Variants in GRIP1 observed in about 807,000 individuals in gnomAD.
GRIP1 encodes the protein glutamate receptor interacting protein 1, also known as glutamate receptor-interacting protein 1.
A neutral mutation model predicts 129.9 loss-of-function variants in GRIP1; 45 were observed. The observed-to-expected ratio is 0.35, with a 90% CI of 0.27 to 0.44. The LOEUF (loss-of-function observed/expected upper bound fraction) is 0.44. Among genes scored for constraint, GRIP1 ranks in the 20% least tolerant of loss-of-function variants. The pLI, the probability that GRIP1 is intolerant of heterozygous loss-of-function variation, is 1.00. For synonymous variants in GRIP1, 530 were observed against 520.8 expected, an observed-to-expected ratio of 1.02 and a Z score of -0.24; for missense variants, 1,196 against 1,396.8, an observed-to-expected ratio of 0.86 and a Z score of 2.29.
At chr12:66,413,096 G>A (rs1357012438) in intron 15 of GRIP1, among the ~76,000 whole-genome samples, 4 of 152,032 alleles carry the variant, frequency 2.6e-5, no homozygotes, top group African/African-American at 9.7e-5. Context: ...ACTCAGCTCT[G>A]GATCAAGTGG....
intron 7 of GRIP1, among the ~76,000 whole-genome samples, chr12:66,496,914 A>G (rs1281480664): frequency 6.6e-6 from 1 of 150,978 alleles, no homozygotes; most frequent in African/African-American, 2.4e-5. Context: ...GGAACAAAAG[A>G]AAAAAGGAAG....
intron 1 of GRIP1, among the ~76,000 whole-genome samples, chr12:66,764,926 A>G (rs1440632207): frequency 2.6e-5 from 4 of 152,222 alleles, no homozygotes; most frequent in African/African-American, 9.7e-5. Context: ...TGTTTCAAAC[A>G]CTGTTCTAAG....
rs2047078 is a variant in GRIP1 at position 66,549,776 on chromosome 12, A to G, written c.137-7826T>C. The stretch of plus-strand genomic sequence containing the variant: ...AATTTGATCAGTGGCAGGGATGTAC[A>G]GCACATAAATATTACCTGGCACAAA... On this transcript the variant is annotated intron_variant, in intron 2 of 24. Coordinates refer to ENST00000359742, the MANE Select transcript of GRIP1 (RefSeq NM_001366722.1). Among the ~76,000 whole-genome samples the G allele has an allele frequency of 5.7e-3, 875 of 152,310 alleles. 10 individuals carry two copies. The highest frequency in any genetic ancestry group is 0.019 in the African/African-American group (803 of 41,562).
At chr12:66,449,406 A>T (rs2138159731) in intron 11 of GRIP1, among the ~76,000 whole-genome samples, 1 of 151,280 alleles carries the variant, frequency 6.6e-6, no homozygotes, top group East Asian at 1.9e-4. Context: ...TGATGGGGCA[A>T]GGGAGGGTGA....
intron 16 of GRIP1, among the ~76,000 whole-genome samples, chr12:66,401,916 G>A (rs2057015864): frequency 6.6e-6 from 1 of 152,102 alleles, no homozygotes; most frequent in African/African-American, 2.4e-5. Flanking sequence ...CACTAACCAA[G>A]TCCAGTGGGC....
intron 16 of GRIP1, among the ~76,000 whole-genome samples, chr12:66,398,981 AG>A (rs1162085068): frequency 1.3e-5 from 2 of 152,022 alleles, no homozygotes; most frequent in Non-Finnish European, 2.9e-5. Flanking sequence ...AAGCAAACTC[AG>A]TAAATGCTTG....
At chr12:66,855,206 C>A (rs2039983220) in intron 1 of GRIP1, among the ~76,000 whole-genome samples, 1 of 151,830 alleles carries the variant, frequency 6.6e-6, no homozygotes, top group South Asian at 2.1e-4. Context: ...CATTATATAA[C>A]CAATCAAATG....
chr12:66,740,724 T>C (rs2036762323), intron 1 of GRIP1, among the ~76,000 whole-genome samples: 2 of 152,144 alleles, frequency 1.3e-5, no homozygotes, highest in South Asian at 4.1e-4. Flanking sequence ...CCTTGGATAA[T>C]TATCTCATGC....
At chr12:66,829,862 C>T (rs919230350) in intron 1 of GRIP1, among the ~76,000 whole-genome samples, 2 of 152,118 alleles carry the variant, frequency 1.3e-5, no homozygotes, top group African/African-American at 4.8e-5. Flanking sequence ...CTGAGGCAGC[C>T]ACAGTCTCAT....
chr12:66,375,405 G>C (rs1340380033), intron 22 of GRIP1, among the ~76,000 whole-genome samples: 1 of 152,064 alleles, frequency 6.6e-6, no homozygotes, highest in African/African-American at 2.4e-5. Context: ...TAGTATTATA[G>C]TGTGCTTTAA....
rs143691862 is a variant in GRIP1 at position 66,590,701 on chromosome 12, G to A, written c.136+6146C>T. Among the ~76,000 whole-genome samples, 30 of 152,254 alleles carry A rather than the reference G, an allele frequency of 2.0e-4. 1 individual carries two copies. Among genetic ancestry groups the A allele is most frequent in the African/African-American group, 7.2e-4 (30 of 41,532 alleles). On this transcript the variant is annotated intron_variant, in intron 2 of 24. Coordinates refer to ENST00000359742, the MANE Select transcript of GRIP1 (RefSeq NM_001366722.1). ...TTTTAGGACTGCACAGACATTTTCT[G>A]GGCAAACAGAAACAAATGAGGCTGG...
chr12:66,789,303 A>G (rs1472829266), intron 1 of GRIP1, among the ~76,000 whole-genome samples: 1 of 152,164 alleles, frequency 6.6e-6, no homozygotes, highest in Non-Finnish European at 1.5e-5. Flanking sequence ...GAGAGGAGAA[A>G]ATCCCATAAG....
intron 1 of GRIP1, among the ~76,000 whole-genome samples, chr12:67,065,835 A>G (rs1040825840): frequency 3.9e-5 from 6 of 152,240 alleles, no homozygotes; most frequent in African/African-American, 1.4e-4. Flanking sequence ...ATCAGCTAAT[A>G]AGCAGATGTA....
chr12:66,941,486 A>G (rs982361445), intron 1 of GRIP1, among the ~76,000 whole-genome samples: 2 of 152,184 alleles, frequency 1.3e-5, no homozygotes, highest in Non-Finnish European at 2.9e-5. Flanking sequence ...TCTTGTCTCC[A>G]GTTAATGTTG....
chr12:66,662,052 C>A (rs1275726045), intron 1 of GRIP1, among the ~76,000 whole-genome samples: 1 of 152,046 alleles, frequency 6.6e-6, no homozygotes, highest in Non-Finnish European at 1.5e-5. Context: ...CATACTCCTG[C>A]GCATGTAGAA....
At chr12:66,834,784 A>G (rs1292372811) in intron 1 of GRIP1, among the ~76,000 whole-genome samples, 1 of 152,014 alleles carries the variant, frequency 6.6e-6, no homozygotes, top group Non-Finnish European at 1.5e-5. Context: ...TATAGTCCAT[A>G]AAAGAAAGAA....
At chr12:66,432,661 G>C (rs2058183928) in intron 13 of GRIP1, 33 bp from the exon 14 acceptor site, 2 of 1,172,134 alleles carry the variant, frequency 1.7e-6, no homozygotes, top group Non-Finnish European at 1.3e-6. Context: ...TGTGTTAATA[G>C]AACACTGAGG....
chr12:66,418,734 T>C (rs773873775), intron 15 of GRIP1, among the ~76,000 whole-genome samples: 7 of 152,132 alleles, frequency 4.6e-5, no homozygotes, highest in Non-Finnish European at 8.8e-5. Flanking sequence ...AAATCAAAAC[T>C]ACAATGAGAT....
At chr12:66,625,466 C>A (rs138013567) in intron 1 of GRIP1, among the ~76,000 whole-genome samples, 1 of 152,074 alleles carries the variant, frequency 6.6e-6, no homozygotes, top group East Asian at 1.9e-4. Flanking sequence ...TAAAGGGACT[C>A]AATAAAGTAA....
Sources: gnomAD v4.1 joint callset for allele counts (sites outside exome capture counted in the v4.1 genomes callset) on GRCh38, gnomAD v4.1.1 for gene constraint, MANE v1.5 for transcripts, NCBI Gene and HGNC (gene_info 2026-07-23, HGNC 2026-07-21) for gene names.